LMBRD2: variants seen among roughly 807,000 people sequenced by gnomAD.
LMBRD2 encodes G protein-coupled receptor-associated protein LMBRD2.
LMBRD2 carries 55 observed loss-of-function variants against 94.4 expected under a neutral mutation model. That is an observed-to-expected ratio of 0.58 (90% CI 0.47 to 0.73). The LOEUF is 0.73. Ranked by LOEUF, LMBRD2 falls within the 30% of genes least tolerant of loss-of-function variation. LMBRD2 has a pLI of 0.00. For synonymous variants in LMBRD2, 246 were observed against 272.4 expected (o/e 0.90, Z 0.95); for missense variants, 640 against 831.9 (o/e 0.77, Z 2.84).
chr5:36,100,154 T>C lies in LMBRD2; in HGVS notation c.*3892A>G, dbSNP rs1743317838. The stretch of plus-strand genomic sequence containing the variant: ...TGTTTCAACGCTCCTAAGAAAAGTT[T>C]TGATGATGTATGTTATTAATTCCTT... On this transcript the variant is annotated 3_prime_UTR_variant, in exon 18 of 18. Transcript: ENST00000296603. 1 of 152,142 alleles carries C rather than the reference T, an allele frequency of 6.6e-6. No homozygotes were observed. Among genetic ancestry groups the C allele is most frequent in the Admixed American group, 6.6e-5 (1 of 15,250 alleles). The allele number at this position is 152,142 out of a possible 1,614,324, so 9.4% of individuals were successfully genotyped here.
intron 9 of LMBRD2, 131 bp downstream of exon 9, chr5:36,122,149 A>T (rs1194301638): frequency 1.6e-6 from 1 of 610,922 alleles, no homozygotes; most frequent in African/African-American, 1.9e-5. Flanking sequence ...ATGTTACCAG[A>T]TACTTAATAT....
In LMBRD2 at chr5:36,111,243, A is replaced by G. The variant is rs767176721; in HGVS notation, c.1656T>C (p.Cys552=). The G allele has an allele frequency of 5.5e-5, 88 of 1,610,960 alleles. No individual in the cohort carries two copies. The South Asian group carries it at 9.5e-4, about 17-fold the overall frequency. ...ACTGCTGGAAACCGAGCAGATTCAA[A>G]CAACGGGTTCCCAAACTAATAAAAG... is the stretch of plus-strand genomic sequence containing the variant. ...IATYFSLGTR[C]LNLLGFQQFM... The change falls in exon 14 of 18, where the codon TGT becomes TGC. Residue 552 remains cysteine (C), a synonymous_variant. Transcript: ENST00000296603.
intron 4 of LMBRD2, 153 bp downstream of exon 4, chr5:36,140,954 T>G (rs1334305893): frequency 1.9e-6 from 1 of 533,938 alleles, no homozygotes; most frequent in Non-Finnish European, 3.4e-6. Flanking sequence ...AGTGGATAAC[T>G]ATGAGTTTGG....
intron 4 of LMBRD2, among the ~76,000 whole-genome samples, chr5:36,139,668 C>T (rs139347654): frequency 3.3e-5 from 5 of 152,332 alleles, no homozygotes; most frequent in Non-Finnish European, 7.4e-5. Context: ...CAGATAGGAG[C>T]TATCTACTTC....
chr5:36,130,879 C>T (rs546166941), intron 6 of LMBRD2, among the ~76,000 whole-genome samples: 8 of 152,088 alleles, frequency 5.3e-5, no homozygotes, highest in Non-Finnish European at 8.8e-5. Flanking sequence ...GCCCAGGACC[C>T]AATGGCTTCA....
At chr5:36,132,070 A>G (rs1744167505) in intron 6 of LMBRD2, among the ~76,000 whole-genome samples, 1 of 152,032 alleles carries the variant, frequency 6.6e-6, no homozygotes, top group South Asian at 2.1e-4. Flanking sequence ...TAAACTACAT[A>G]ATAAAGTGAT....
In LMBRD2 at chr5:36,103,968, T is replaced by G; in HGVS notation, c.*78A>C. On this transcript the variant is annotated 3_prime_UTR_variant, in exon 18 of 18. Transcript: ENST00000296603. ...ACTTTTCACTGTGTATAGAGGAAATTCTAGGGTACACAGATGTTCATCAAG... is the reference window on the plus strand; with the variant it reads ...ACTTTTCACTGTGTATAGAGGAAATGCTAGGGTACACAGATGTTCATCAAG... 1 of 1,011,862 alleles carries G rather than the reference T, an allele frequency of 9.9e-7. No homozygotes were observed. Among genetic ancestry groups the G allele is most frequent in the Non-Finnish European group, 1.5e-6 (1 of 648,964 alleles). 62.7% of individuals were successfully genotyped at this position (1,011,862 alleles called of 1,614,324 possible).
chr5:36,102,418 T>C lies in LMBRD2; in HGVS notation c.*1628A>G, dbSNP rs1352820580. 6.6e-6 allele frequency: 1 copy of C among 151,870 alleles called. No individual in the cohort carries two copies. Among genetic ancestry groups the C allele is most frequent in the South Asian group, 2.1e-4 (1 of 4,834 alleles). The allele number at this position is 151,870 out of a possible 1,614,324, so 9.4% of individuals were successfully genotyped here. On this transcript the variant is annotated 3_prime_UTR_variant, in exon 18 of 18. Coordinates refer to ENST00000296603, the MANE Select transcript of LMBRD2 (RefSeq NM_001007527.2). The stretch of plus-strand genomic sequence containing the variant: ...ATTACAAAGAGGATCAAATTATCTC[T>C]GCTCCTGGCTTATTGCTTTCTGGCC...
rs138067690 is a variant in LMBRD2, at chr5:36,142,432, TA to T, written c.272+69del. On this transcript the variant is annotated intron_variant, in intron 3 of 17. Transcript: ENST00000296603. Reference sequence around the variant, plus strand: ...TTACATAAATATAAAGTCTGGATGGTAAAAACTTTCAATTTTTAAACAATGT... The same window carrying T: ...TTACATAAATATAAAGTCTGGATGGTAAAACTTTCAATTTTTAAACAATGT... 0.014 allele frequency: 11,734 copies of T among 853,468 alleles called. 966 individuals carry two copies. The African/African-American group carries it at 0.18, about 13-fold the overall frequency. The allele number at this position is 853,468 out of a possible 1,614,324, so 52.9% of individuals were successfully genotyped here. A position where few individuals can be genotyped will look rare whatever the true frequency, so the allele number is the denominator to read the frequency against.
At chr5:36,124,332 G>T in intron 6 of LMBRD2, 67 bp from the exon 7 acceptor site, 2 of 870,162 alleles carry the variant, frequency 2.3e-6, no homozygotes, top group Non-Finnish European at 3.7e-6. Flanking sequence ...AAATGAGAAT[G>T]CATTAGGTAC....
chr5:36,144,204 A>G (rs189989923), intron 1 of LMBRD2, among the ~76,000 whole-genome samples: 57 of 152,236 alleles, frequency 3.7e-4, no homozygotes, highest in African/African-American at 1.3e-3. Context: ...ATAGAGATTT[A>G]AAGTCTCTAT....
intron 6 of LMBRD2, among the ~76,000 whole-genome samples, chr5:36,133,713 CT>C (rs1744206888): frequency 6.6e-6 from 1 of 152,082 alleles, no homozygotes; most frequent in Admixed American, 6.6e-5. Context: ...CTTATCTAAA[CT>C]TTTTTACACA....
At position 36,138,186 on chromosome 5, in the gene LMBRD2, G is replaced by A. The variant is rs143066069; in HGVS notation, c.369-745C>T. On this transcript the variant is annotated intron_variant, in intron 4 of 17. Transcript: ENST00000296603. Reference sequence around the variant, plus strand: ...AAGTGGAGAGAGAGAATCAAATGCCGCCAAGAGGTGAAGTAAATTAAGAAC... The same window carrying A: ...AAGTGGAGAGAGAGAATCAAATGCCACCAAGAGGTGAAGTAAATTAAGAAC... Among the ~76,000 whole-genome samples the A allele has an allele frequency of 3.7e-4, 56 of 152,284 alleles. No homozygotes were observed. In the East Asian group the frequency reaches 9.5e-3, roughly 26 times the overall value.
At chr5:36,122,550 T>A in intron 8 of LMBRD2, 87 bp from the exon 9 acceptor site, 3 of 1,173,434 alleles carry the variant, frequency 2.6e-6, no homozygotes, top group Non-Finnish European at 3.7e-6. Context: ...TGGATTGTCA[T>A]AACAATGGGA....
intron 1 of LMBRD2, among the ~76,000 whole-genome samples, chr5:36,149,952 T>C (rs573774658): frequency 6.6e-6 from 1 of 152,290 alleles, no homozygotes; most frequent in East Asian, 1.9e-4. Context: ...GATACATCAG[T>C]AGCAATCACA....
intron 6 of LMBRD2, among the ~76,000 whole-genome samples, chr5:36,135,919 C>T (rs1200243055): frequency 6.6e-6 from 1 of 152,118 alleles, no homozygotes; most frequent in Non-Finnish European, 1.5e-5. Context: ...GGTGGGATTA[C>T]CTTAGGTTAA....
At chr5:36,134,589 C>G (rs1489279139) in intron 6 of LMBRD2, among the ~76,000 whole-genome samples, 1 of 152,052 alleles carries the variant, frequency 6.6e-6, no homozygotes, top group Non-Finnish European at 1.5e-5. Context: ...AGGGAGAACA[C>G]CATGTGAAGA....
In LMBRD2 at chr5:36,105,200, G is replaced by A; in HGVS notation, c.1898-3C>T. On this transcript the variant is annotated splice_region_variant and splice_polypyrimidine_tract_variant and intron_variant, in intron 16 of 17. Coordinates refer to ENST00000296603, the MANE Select transcript of LMBRD2 (RefSeq NM_001007527.2). ...AGCCCTGGTATATTTGAATGCAGCT[G>A]CAAAGGAAGGGGGAAAAATGTCTAC... The A allele has an allele frequency of 6.2e-7, 1 of 1,611,150 alleles. No homozygotes were observed. Among genetic ancestry groups the A allele is most frequent in the Non-Finnish European group, 8.5e-7 (1 of 1,178,246 alleles).
At chr5:36,144,553 G>A (rs10040647) in intron 1 of LMBRD2, among the ~76,000 whole-genome samples, 1,680 of 152,166 alleles carry the variant, frequency 0.011, 25 homozygotes, top group African/African-American at 0.038. Flanking sequence ...GTGTGGTAGC[G>A]GGTGCCTGTA....
Sources: allele counts gnomAD v4.1 joint callset (sites outside exome capture counted in the v4.1 genomes callset), GRCh38; gene constraint gnomAD v4.1.1; transcripts MANE v1.5; gene names NCBI Gene and HGNC (gene_info 2026-07-23, HGNC 2026-07-21).